Variants in DDX1 observed in about 807,000 individuals in gnomAD.
DDX1 encodes ATP-dependent RNA helicase DDX1.
In DDX1, 28 loss-of-function variants were observed where a neutral mutation model predicts 108.7. That is an observed-to-expected ratio of 0.26 (90% CI 0.19 to 0.35). The LOEUF (loss-of-function observed/expected upper bound fraction) is 0.35. DDX1 is among the 10% of genes least tolerant of loss of function. DDX1 has a pLI of 1.00. For synonymous variants in DDX1, 295 were observed against 288.9 expected (o/e 1.02, Z -0.21); for missense variants, 710 against 884.5 (o/e 0.80, Z 2.50).
chr2:15,603,550 G>C (rs1029603123), intron 8 of DDX1, among the ~76,000 whole-genome samples: 1 of 152,214 alleles, frequency 6.6e-6, no homozygotes, highest in African/African-American at 2.4e-5. Context: ...GTACCATATA[G>C]ATGCTTCATG....
intron 21 of DDX1, 56 bp from the exon 22 acceptor site, chr2:15,628,577 CTAATA>C: frequency 6.3e-7 from 1 of 1,596,322 alleles, no homozygotes; most frequent in Non-Finnish European, 8.6e-7. Flanking sequence ...GTAAAGCCTT[CTAATA>C]TGTTTGAAAA....
intron 14 of DDX1, among the ~76,000 whole-genome samples, chr2:15,614,606 G>C (rs1298839597): frequency 6.6e-6 from 1 of 152,162 alleles, no homozygotes; most frequent in Non-Finnish European, 1.5e-5. Flanking sequence ...GAGCGGGTTA[G>C]TTATTGCAGG....
intron 23 of DDX1, 82 bp downstream of exon 23, chr2:15,628,921 A>G (rs558810444): frequency 2.9e-6 from 4 of 1,360,112 alleles, no homozygotes; most frequent in Middle Eastern, 2.4e-4. Flanking sequence ...TGATTTTCCC[A>G]TTTAAATTTA....
chr2:15,613,126 C>T, intron 13 of DDX1, 98 bp from the exon 14 acceptor site: 1 of 818,946 alleles, frequency 1.2e-6, no homozygotes, highest in South Asian at 2.1e-5. Flanking sequence ...ACTTTCTCAA[C>T]CTTAATTTCC....
At chr2:15,629,837 C>T in intron 24 of DDX1, 140 bp downstream of exon 24, 1 of 1,009,208 alleles carries the variant, frequency 9.9e-7, no homozygotes, top group Non-Finnish European at 1.4e-6. Flanking sequence ...GTTATCTGCA[C>T]TTTGCTAATT....
chr2:15,599,843 A>C, intron 6 of DDX1, 127 bp downstream of exon 6: 2 of 673,692 alleles, frequency 3.0e-6, no homozygotes, highest in Non-Finnish European at 5.1e-6. Flanking sequence ...CACTATCATT[A>C]AACAGTATAG....
intron 19 of DDX1, among the ~76,000 whole-genome samples, chr2:15,625,526 T>C (rs2148749514): frequency 6.6e-6 from 1 of 152,264 alleles, no homozygotes; most frequent in South Asian, 2.1e-4. Context: ...CATTGAAATG[T>C]ACAAAAATAT....
In DDX1 at chr2:15,631,097, C is replaced by T; in HGVS notation, c.*191C>T. 2.1e-6 allele frequency: 1 copy of T among 471,806 alleles called. No individual in the cohort carries two copies. Among genetic ancestry groups the T allele is most frequent in the Non-Finnish European group, 3.7e-6 (1 of 271,660 alleles). 29.2% of individuals were successfully genotyped at this position (471,806 alleles called of 1,614,324 possible). A position where few individuals can be genotyped will look rare whatever the true frequency, so the allele number is the denominator to read the frequency against. On this transcript the variant is annotated 3_prime_UTR_variant, in exon 26 of 26. Transcript: ENST00000233084. Reference sequence around the variant, plus strand: ...ATCCCAATGAAAATAAATTTGATGACTATATTTTCATGAAGGTTTGTGTCT... The same window carrying T: ...ATCCCAATGAAAATAAATTTGATGATTATATTTTCATGAAGGTTTGTGTCT...
chr2:15,614,909 C>T (rs1282554914), intron 14 of DDX1, among the ~76,000 whole-genome samples: 1 of 152,154 alleles, frequency 6.6e-6, no homozygotes, highest in Non-Finnish European at 1.5e-5. Context: ...TTTCTCAATT[C>T]CTATTTTCCT....
At chr2:15,611,400 C>T (rs62122276) in intron 13 of DDX1, among the ~76,000 whole-genome samples, 17 of 150,900 alleles carry the variant, frequency 1.1e-4, no homozygotes, top group Non-Finnish European at 1.9e-4. Context: ...AGCTGCCGGG[C>T]ACACCTCCCA....
intron 13 of DDX1, among the ~76,000 whole-genome samples, chr2:15,610,152 G>A (rs898162109): frequency 1.3e-5 from 2 of 152,048 alleles, no homozygotes; most frequent in African/African-American, 4.8e-5. Context: ...GGCTGGTCTC[G>A]AACTCCTGGC....
chr2:15,611,958 G>T (rs1489219560), intron 13 of DDX1, among the ~76,000 whole-genome samples: 2 of 111,108 alleles, frequency 1.8e-5, no homozygotes, highest in East Asian at 3.3e-4. Flanking sequence ...CTGGCCGGGC[G>T]GGGGGCTGAC....
intron 1 of DDX1, among the ~76,000 whole-genome samples, chr2:15,593,287 TCTC>T (rs1474037365): frequency 1.3e-5 from 2 of 152,122 alleles, no homozygotes; most frequent in African/African-American, 4.8e-5. Flanking sequence ...TTCCCAACAT[TCTC>T]CTAAAACGAT....
intron 15 of DDX1, 53 bp from the exon 16 acceptor site, chr2:15,618,127 AC>A (rs937488954): frequency 4.0e-5 from 44 of 1,092,750 alleles, no homozygotes; most frequent in Admixed American, 2.3e-4. Flanking sequence ...ATTAAAACTT[AC>A]GTTTTTTTCC....
chr2:15,597,797 ATATT>A (rs1665525346), intron 5 of DDX1, among the ~76,000 whole-genome samples: 2 of 152,170 alleles, frequency 1.3e-5, no homozygotes, highest in Non-Finnish European at 2.9e-5. Flanking sequence ...TTTTACAAAA[ATATT>A]AAGGAAGGAT....
chr2:15,595,662 A>T, intron 3 of DDX1, 109 bp downstream of exon 3: 1 of 816,382 alleles, frequency 1.2e-6, no homozygotes, highest in Non-Finnish European at 2.1e-6. Flanking sequence ...TGATACATAT[A>T]CTGTATTCAG....
chr2:15,616,758 T>C (rs1466907831), intron 14 of DDX1, among the ~76,000 whole-genome samples: 5 of 152,246 alleles, frequency 3.3e-5, no homozygotes, highest in Non-Finnish European at 7.3e-5. Context: ...CCAAATTTAT[T>C]GAGCACCTGG....
intron 1 of DDX1, among the ~76,000 whole-genome samples, chr2:15,593,281 C>T (rs1183419850): frequency 9.2e-5 from 14 of 152,118 alleles, no homozygotes; most frequent in South Asian, 4.2e-4. Flanking sequence ...TTTCTTTTCC[C>T]AACATTCTCC....
chr2:15,625,881 G>T (rs1666094372), intron 19 of DDX1, among the ~76,000 whole-genome samples: 1 of 146,658 alleles, frequency 6.8e-6, no homozygotes, highest in Non-Finnish European at 1.5e-5. Context: ...TACAGTGAGT[G>T]CTTAAGTAAC....
Sources: allele counts gnomAD v4.1 joint callset (sites outside exome capture counted in the v4.1 genomes callset), GRCh38; gene constraint gnomAD v4.1.1; transcripts MANE v1.5; gene names NCBI Gene and HGNC (gene_info 2026-07-23, HGNC 2026-07-21).